Variants in RORA observed in about 807,000 individuals in gnomAD.
The protein encoded by RORA is RAR related orphan receptor A.
A neutral mutation model predicts 69.5 loss-of-function variants in RORA; 7 were observed. The ratio of observed to expected loss-of-function variants is 0.10; its 90% confidence interval spans 0.06 to 0.19. RORA has a LOEUF of 0.19. Among genes scored for constraint, RORA ranks in the 10% least tolerant of loss-of-function variants. The pLI is 1.00. For missense variants in RORA, 457 were observed against 663.0 expected, an observed-to-expected ratio of 0.69 and a Z score of 3.41; for synonymous variants, 261 against 240.8, an observed-to-expected ratio of 1.08 and a Z score of -0.78.
At chr15:60,885,204 G>A (rs1026191959) in intron 1 of RORA, among the ~76,000 whole-genome samples, 3 of 152,194 alleles carry the variant, frequency 2.0e-5, no homozygotes, top group Non-Finnish European at 2.9e-5. Flanking sequence ...CTGGGGCTCA[G>A]CCTATAAGAG....
intron 1 of RORA, among the ~76,000 whole-genome samples, chr15:60,933,652 C>T (rs181320171): frequency 6.6e-6 from 1 of 152,268 alleles, no homozygotes; most frequent in Admixed American, 6.5e-5. Context: ...GTCTTATTCC[C>T]CTTTCAATTT....
At chr15:61,017,733 G>T (rs898856556) in intron 1 of RORA, among the ~76,000 whole-genome samples, 2 of 152,184 alleles carry the variant, frequency 1.3e-5, no homozygotes, top group Non-Finnish European at 1.5e-5. Flanking sequence ...AAGCTGTCTT[G>T]TGCTTTCCAT....
intron 1 of RORA, among the ~76,000 whole-genome samples, chr15:61,006,127 C>A (rs1894907954): frequency 6.6e-6 from 1 of 152,058 alleles, no homozygotes; most frequent in Admixed American, 6.6e-5. Flanking sequence ...CGCCACCATG[C>A]CCAGCTAATT....
At chr15:61,060,214 G>C (rs1363157234) in intron 1 of RORA, among the ~76,000 whole-genome samples, 1 of 152,216 alleles carries the variant, frequency 6.6e-6, no homozygotes, top group Non-Finnish European at 1.5e-5. Context: ...GGGAGAGACA[G>C]AGTTCACACT....
chr15:61,004,505 C>A (rs1894852066), intron 1 of RORA, among the ~76,000 whole-genome samples: 1 of 151,890 alleles, frequency 6.6e-6, no homozygotes, highest in South Asian at 2.1e-4. Flanking sequence ...GTCCAGGTCC[C>A]CGGAGCTAAG....
chr15:60,872,708 TG>T (rs1399231344), intron 1 of RORA, among the ~76,000 whole-genome samples: 1 of 152,210 alleles, frequency 6.6e-6, no homozygotes, highest in Non-Finnish European at 1.5e-5. Flanking sequence ...TTCTTTCCTA[TG>T]GCAGTACATC....
At chr15:61,124,800 C>T (rs1241206865) in intron 1 of RORA, among the ~76,000 whole-genome samples, 7 of 152,168 alleles carry the variant, frequency 4.6e-5, no homozygotes. Flanking sequence ...TCAGTTTCTC[C>T]ATCTGATAAG....
At chr15:60,591,064 T>C (rs2068487432) in intron 2 of RORA, among the ~76,000 whole-genome samples, 1 of 152,182 alleles carries the variant, frequency 6.6e-6, no homozygotes, top group Admixed American at 6.5e-5. Context: ...CTGGTGTCCT[T>C]CATTCCAGAT....
At chr15:60,693,818 T>C (rs1453253869) in intron 1 of RORA, among the ~76,000 whole-genome samples, 2 of 152,086 alleles carry the variant, frequency 1.3e-5, no homozygotes, top group African/African-American at 2.4e-5. Flanking sequence ...GGAGAAACAT[T>C]CCATCCTCAT....
At chr15:61,036,948 C>T (rs779140596) in intron 1 of RORA, among the ~76,000 whole-genome samples, 2 of 152,020 alleles carry the variant, frequency 1.3e-5, no homozygotes, top group Non-Finnish European at 2.9e-5. Context: ...GGTATCTTCA[C>T]TTTTAACAAA....
At chr15:60,955,336 T>C (rs1253894248) in intron 1 of RORA, among the ~76,000 whole-genome samples, 1 of 152,168 alleles carries the variant, frequency 6.6e-6, no homozygotes, top group Non-Finnish European at 1.5e-5. Context: ...TTGTAACGTG[T>C]ATGTGTTATT....
At chr15:61,005,955 GTTTGTTTTGT>G (rs143947688) in intron 1 of RORA, among the ~76,000 whole-genome samples, 21,594 of 151,438 alleles carry the variant, frequency 0.14, 1,655 homozygotes, top group East Asian at 0.28. Context: ...TTTTTTGTTT[GTTTGTTTTGT>G]TTTGTTTTGT....
intron 1 of RORA, among the ~76,000 whole-genome samples, chr15:60,706,657 T>G (rs543395474): frequency 6.6e-6 from 1 of 152,288 alleles, no homozygotes; most frequent in East Asian, 1.9e-4. Context: ...CAAATTCAGC[T>G]TCCCATTGTC....
At chr15:60,747,047 C>T (rs1316179380) in intron 1 of RORA, among the ~76,000 whole-genome samples, 1 of 152,158 alleles carries the variant, frequency 6.6e-6, no homozygotes, top group Non-Finnish European at 1.5e-5. Context: ...CCCTTTTGTT[C>T]CTCTTAACCC....
At chr15:60,554,412 A>C (rs2067303944) in intron 2 of RORA, among the ~76,000 whole-genome samples, 1 of 152,218 alleles carries the variant, frequency 6.6e-6, no homozygotes, top group Non-Finnish European at 1.5e-5. Flanking sequence ...ACTAAAAAAA[A>C]ATCAGCAAAT....
In RORA at chr15:60,920,048, G is replaced by C. The variant is rs1274644503; in HGVS notation, c.167-241362C>G. Among the ~76,000 whole-genome samples the C allele has an allele frequency of 1.3e-5, 2 of 152,130 alleles. 1 individual carries two copies. Among genetic ancestry groups the C allele is most frequent in the Non-Finnish European group, 2.9e-5 (2 of 68,014 alleles). On this transcript the variant is annotated intron_variant, in intron 1 of 10. Transcript: ENST00000335670. ...AGGGGAAGAAGGCTCAGTTTTAGTG[G>C]AAAGGAATAGGAAAGAGAAGAGGCC...
intron 1 of RORA, among the ~76,000 whole-genome samples, chr15:61,100,039 A>C (rs2078854113): frequency 2.0e-5 from 3 of 152,128 alleles, no homozygotes; most frequent in African/African-American, 4.8e-5. Context: ...AATTATAGGA[A>C]TAGAATTCAA....
At chr15:60,540,561 A>G (rs2066831761) in intron 2 of RORA, among the ~76,000 whole-genome samples, 2 of 55,646 alleles carry the variant, frequency 3.6e-5, no homozygotes, top group African/African-American at 1.9e-4. Context: ...CACAATTTCC[A>G]TGACCCCCCC....
chr15:60,909,559 T>C (rs1891641560), intron 1 of RORA, among the ~76,000 whole-genome samples: 1 of 151,112 alleles, frequency 6.6e-6, no homozygotes, highest in Non-Finnish European at 1.5e-5. Context: ...CCATAGAAAA[T>C]AGAGTCACAA....
Sources: allele counts gnomAD v4.1 joint callset (sites outside exome capture counted in the v4.1 genomes callset), GRCh38; gene constraint gnomAD v4.1.1; transcripts MANE v1.5; gene names NCBI Gene and HGNC (gene_info 2026-07-23, HGNC 2026-07-21).